Variants in SIPA1L1 observed in about 807,000 individuals in gnomAD.
SIPA1L1 encodes the protein signal-induced proliferation-associated 1-like protein 1.
A neutral mutation model predicts 162.7 loss-of-function variants in SIPA1L1; 26 were observed. The ratio of observed to expected loss-of-function variants is 0.16; its 90% CI spans 0.12 to 0.22. The LOEUF (loss-of-function observed/expected upper bound fraction) is 0.22. Ranked by LOEUF, SIPA1L1 falls within the 10% of genes least tolerant of loss-of-function variation. The pLI is 1.00. For missense variants in SIPA1L1, 1,874 were observed against 2,241.0 expected (o/e 0.84, Z 3.31); for synonymous variants, 829 against 837.4 (o/e 0.99, Z 0.17).
intron 3 of SIPA1L1, among the ~76,000 whole-genome samples, chr14:71,516,249 G>A (rs896861449): frequency 6.6e-6 from 1 of 152,152 alleles, no homozygotes; most frequent in Non-Finnish European, 1.5e-5. Context: ...GATTTGAAGA[G>A]TTTAATTATT....
At chr14:71,450,329 T>C (rs1398507652) in intron 2 of SIPA1L1, among the ~76,000 whole-genome samples, 1 of 152,206 alleles carries the variant, frequency 6.6e-6, no homozygotes, top group Non-Finnish European at 1.5e-5. Flanking sequence ...AGTTTATAGC[T>C]CGATAGTGTG....
intron 2 of SIPA1L1, among the ~76,000 whole-genome samples, chr14:71,444,366 C>A (rs1416973317): frequency 6.6e-6 from 1 of 152,104 alleles, no homozygotes; most frequent in African/African-American, 2.4e-5. Flanking sequence ...CATTCACTCT[C>A]AAAAAATAAA....
chr14:71,600,579 C>T (rs1168669196), intron 5 of SIPA1L1, among the ~76,000 whole-genome samples: 1 of 152,028 alleles, frequency 6.6e-6, no homozygotes, highest in African/African-American at 2.4e-5. Flanking sequence ...TCTCTTCTGC[C>T]TCTTTTTTGG....
intron 13 of SIPA1L1, among the ~76,000 whole-genome samples, chr14:71,686,105 A>G (rs774794111): frequency 1.3e-5 from 2 of 152,246 alleles, no homozygotes; most frequent in Non-Finnish European, 2.9e-5. Context: ...TAACACAAAC[A>G]TATTTTTCAC....
At chr14:71,656,602 T>G (rs867282310) in intron 8 of SIPA1L1, among the ~76,000 whole-genome samples, 2 of 152,346 alleles carry the variant, frequency 1.3e-5, no homozygotes, top group Non-Finnish European at 1.5e-5. Context: ...TCTTGGATAT[T>G]TATATGTTGT....
At chr14:71,515,182 C>G (rs1241892125) in intron 3 of SIPA1L1, among the ~76,000 whole-genome samples, 1 of 152,196 alleles carries the variant, frequency 6.6e-6, no homozygotes, top group East Asian at 1.9e-4. Context: ...GCCAAATACA[C>G]AGTTGTTACT....
At chr14:71,365,717 A>G (rs1439156012) in intron 2 of SIPA1L1, among the ~76,000 whole-genome samples, 2 of 151,498 alleles carry the variant, frequency 1.3e-5, no homozygotes, top group Non-Finnish European at 2.9e-5. Context: ...TTTATCAGGC[A>G]AGGCTATTAA....
At chr14:71,391,256 G>A (rs543546984) in intron 2 of SIPA1L1, among the ~76,000 whole-genome samples, 239 of 152,006 alleles carry the variant, frequency 1.6e-3, no homozygotes, top group Non-Finnish European at 2.5e-3. Flanking sequence ...ACAGGCGCCC[G>A]CCACACGCCC....
intron 2 of SIPA1L1, among the ~76,000 whole-genome samples, chr14:71,495,241 C>G (rs541289278): frequency 6.6e-6 from 1 of 152,012 alleles, no homozygotes; most frequent in Non-Finnish European, 1.5e-5. Context: ...CATGGTGAAG[C>G]CATCTAGTCC....
intron 2 of SIPA1L1, among the ~76,000 whole-genome samples, chr14:71,328,653 A>G (rs762079831): frequency 9.2e-5 from 14 of 152,198 alleles, no homozygotes; most frequent in Non-Finnish European, 4.4e-5. Context: ...ATTCAAAAAG[A>G]TAACTTGGAA....
chr14:71,710,839 AAAAAG>A (rs1048289802), intron 17 of SIPA1L1, among the ~76,000 whole-genome samples: 2 of 151,810 alleles, frequency 1.3e-5, no homozygotes, highest in African/African-American at 2.4e-5. Context: ...AGAAAGAAAG[AAAAAG>A]AAAAGTAATA....
intron 17 of SIPA1L1, among the ~76,000 whole-genome samples, chr14:71,710,172 G>A (rs1414353708): frequency 1.3e-5 from 2 of 152,164 alleles, no homozygotes; most frequent in Non-Finnish European, 2.9e-5. Flanking sequence ...TCAGTAATTG[G>A]CTCCTGGCAG....
At chr14:71,579,793 C>T (rs998192259) in intron 4 of SIPA1L1, among the ~76,000 whole-genome samples, 11 of 152,100 alleles carry the variant, frequency 7.2e-5, no homozygotes, top group Non-Finnish European at 1.5e-4. Context: ...TAAATTTAAA[C>T]GTGTTTTTTC....
intron 7 of SIPA1L1, among the ~76,000 whole-genome samples, chr14:71,648,153 G>A (rs2042328665): frequency 6.6e-6 from 1 of 152,130 alleles, no homozygotes; most frequent in Admixed American, 6.5e-5. Context: ...AGCCAGGCCT[G>A]GTGGCGCATG....
intron 7 of SIPA1L1, among the ~76,000 whole-genome samples, chr14:71,635,703 A>G (rs187552238): frequency 3.7e-4 from 56 of 152,366 alleles, no homozygotes; most frequent in Non-Finnish European, 6.2e-4. Context: ...TAAATGAAAG[A>G]TAAAATGACA....
rs112704871 is a variant in SIPA1L1 at position 71,637,240 on chromosome 14, C to T, written c.1818+13004C>T. 5.4e-3 allele frequency among the ~76,000 whole-genome samples: 818 copies of T among 151,930 alleles called. 10 individuals carry two copies. The highest frequency in any genetic ancestry group is 0.019 in the African/African-American group (770 of 41,412). On this transcript the variant is annotated intron_variant, in intron 7 of 23. Coordinates refer to ENST00000381232, the MANE Select transcript of SIPA1L1 (RefSeq NM_001386936.1). ...AAACAGACAATACAAATCTTGTCAA[C>T]ACGGTAGTCCCTCAGTATTCATGGT...
rs530258894 is a variant in SIPA1L1, at chr14:71,724,735, G to A, written c.4514G>A (p.Arg1505Gln). Residue 1505 changes from arginine to glutamine, a missense_variant, in exon 19 of 24, where the codon CGG becomes CAG. By Grantham distance (43) the Arg-to-Gln change is conservative. Coordinates refer to ENST00000381232, the MANE Select transcript of SIPA1L1 (RefSeq NM_001386936.1). Reference protein sequence around the residue: ...TRLRASTRDLRASPKPTSKST... With the variant: ...TRLRASTRDLQASPKPTSKST... ...CTGCGTGCCTCAACCAGAGACCTCC[G>A]GGCATCTCCTAAGCCAACCTCCAAG... 50 of 1,614,002 alleles carry A rather than the reference G, an allele frequency of 3.1e-5. No homozygotes were observed. In the East Asian group the frequency reaches 3.8e-4, roughly 12 times the overall value.
intron 2 of SIPA1L1, among the ~76,000 whole-genome samples, chr14:71,367,303 CT>C (rs148859626): frequency 0.069 from 8,951 of 130,162 alleles, 292 homozygotes; most frequent in African/African-American, 0.094. Context: ...ACATTCATTG[CT>C]TTTTTTTTTT....
chr14:71,543,958 T>C (rs1401551854), intron 4 of SIPA1L1, among the ~76,000 whole-genome samples: 2 of 149,542 alleles, frequency 1.3e-5, no homozygotes, highest in African/African-American at 4.9e-5. Context: ...TATACGCACA[T>C]GTATGTATAT....
Sources: allele counts gnomAD v4.1 joint callset (sites outside exome capture counted in the v4.1 genomes callset), GRCh38; gene constraint gnomAD v4.1.1; transcripts MANE v1.5; gene names NCBI Gene and HGNC (gene_info 2026-07-23, HGNC 2026-07-21).